DDAH1: variants seen among roughly 807,000 people sequenced by gnomAD.
The protein encoded by DDAH1 is dimethylarginine dimethylaminohydrolase 1, also known as N(G),N(G)-dimethylarginine dimethylaminohydrolase 1.
Under a neutral mutation model 28.8 loss-of-function variants are expected in DDAH1, and 19 were observed. The observed-to-expected ratio is 0.66, with a 90% CI of 0.46 to 0.97. The LOEUF is 0.97. DDAH1 is among the 50% of genes least tolerant of loss of function. The pLI is 0.00. For synonymous variants in DDAH1, 153 were observed against 154.4 expected, an observed-to-expected ratio of 0.99 and a Z score of 0.07; for missense variants, 326 against 375.9, an observed-to-expected ratio of 0.87 and a Z score of 1.10.
At chr1:85,433,107 T>C (rs567168696) in intron 1 of DDAH1, among the ~76,000 whole-genome samples, 26 of 152,284 alleles carry the variant, frequency 1.7e-4, no homozygotes, top group Non-Finnish European at 2.6e-4. Context: ...TACATATACA[T>C]ACATACATAC....
At chr1:85,491,450 T>C (rs906267543) in intron 2 of DDAH1, among the ~76,000 whole-genome samples, 1 of 152,162 alleles carries the variant, frequency 6.6e-6, no homozygotes, top group Non-Finnish European at 1.5e-5. Flanking sequence ...GTAGAACTGC[T>C]GTTAGGATGA....
At chr1:85,394,049 A>T (rs917211767) in intron 1 of DDAH1, among the ~76,000 whole-genome samples, 1 of 152,230 alleles carries the variant, frequency 6.6e-6, no homozygotes, top group Admixed American at 6.5e-5. Context: ...CTTAAAGAAA[A>T]AGTAAGTGAC....
intron 1 of DDAH1, among the ~76,000 whole-genome samples, chr1:85,427,703 CT>C (rs1653475578): frequency 1.3e-5 from 2 of 152,166 alleles, no homozygotes; most frequent in South Asian, 4.1e-4. Context: ...TTTTGTTTCT[CT>C]CTAAGGATGT....
intron 4 of DDAH1, among the ~76,000 whole-genome samples, chr1:85,337,941 T>C (rs1272146101): frequency 6.6e-6 from 1 of 152,206 alleles, no homozygotes; most frequent in African/African-American, 2.4e-5. Context: ...TCCACACCAG[T>C]CACCGAACTT....
chr1:85,374,154 CT>C (rs1201313375), intron 1 of DDAH1, among the ~76,000 whole-genome samples: 1 of 152,184 alleles, frequency 6.6e-6, no homozygotes, highest in African/African-American at 2.4e-5. Flanking sequence ...TTACCAGAGT[CT>C]TTTTTGCTTG....
At chr1:85,358,886 T>G in intron 1 of DDAH1, 39 bp from the exon 2 acceptor site, 1 of 1,469,468 alleles carries the variant, frequency 6.8e-7, no homozygotes, top group Non-Finnish European at 9.4e-7. Flanking sequence ...TATGCTACAA[T>G]TTCCTAACAA....
At chr1:85,577,923 G>A in intron 1 of DDAH1, 8 of 960,910 alleles carry the variant, frequency 8.3e-6, no homozygotes, top group Non-Finnish European at 9.9e-6. Context: ...CCCGTATGGG[G>A]AGGGTGAAGG....
intron 1 of DDAH1, among the ~76,000 whole-genome samples, chr1:85,550,582 C>T (rs902661227): frequency 5.3e-5 from 8 of 152,178 alleles, no homozygotes; most frequent in African/African-American, 1.9e-4. Flanking sequence ...AATGTGTCTC[C>T]TTAGAGGTGA....
At chr1:85,327,783 C>T (rs183631211) in intron 4 of DDAH1, among the ~76,000 whole-genome samples, 1 of 152,130 alleles carries the variant, frequency 6.6e-6, no homozygotes, top group Non-Finnish European at 1.5e-5. Context: ...TTAAAAAAAA[C>T]CCCAAAACAG....
At chr1:85,573,300 C>T (rs1251622391) in intron 1 of DDAH1, among the ~76,000 whole-genome samples, 2 of 152,134 alleles carry the variant, frequency 1.3e-5, no homozygotes, top group Non-Finnish European at 2.9e-5. Flanking sequence ...GGATGTGCTA[C>T]GTGTGATGTT....
chr1:85,412,702 G>A (rs1652710217), intron 1 of DDAH1, among the ~76,000 whole-genome samples: 1 of 152,174 alleles, frequency 6.6e-6, no homozygotes, highest in African/African-American at 2.4e-5. Flanking sequence ...CAAATGGCAT[G>A]TATAAAATAT....
At chr1:85,399,326 T>C (rs1171867060) in intron 1 of DDAH1, 1 of 152,190 alleles carries the variant, frequency 6.6e-6, no homozygotes, top group East Asian at 1.9e-4. Context: ...AAAACTCAAA[T>C]AAATGCATGA....
rs1649206626 is a variant in DDAH1, at chr1:85,351,589, A to G, written c.404-10T>C. ...ACAAAAAATTCTCTGCCTGTAATAGATGTCATGGAACATAGTGAGCAGGTG... is the reference window on the plus strand; with the variant it reads ...ACAAAAAATTCTCTGCCTGTAATAGGTGTCATGGAACATAGTGAGCAGGTG... On this transcript the variant is annotated splice_polypyrimidine_tract_variant and intron_variant, in intron 2 of 5. Coordinates refer to ENST00000284031, the MANE Select transcript of DDAH1 (RefSeq NM_012137.4). 3 of 1,610,534 alleles carry G rather than the reference A, an allele frequency of 1.9e-6. No individual in the cohort carries two copies. Among genetic ancestry groups the G allele is most frequent in the Non-Finnish European group, 2.5e-6 (3 of 1,176,860 alleles).
At chr1:85,407,304 T>C (rs948080394) in intron 1 of DDAH1, among the ~76,000 whole-genome samples, 2 of 152,210 alleles carry the variant, frequency 1.3e-5, no homozygotes, top group African/African-American at 4.8e-5. Context: ...AAAAATCTCT[T>C]AGCAACTGAG....
intron 2 of DDAH1, among the ~76,000 whole-genome samples, chr1:85,483,447 A>G (rs1656079562): frequency 6.6e-6 from 1 of 152,136 alleles, no homozygotes; most frequent in Admixed American, 6.6e-5. Context: ...CGCTCTCCCC[A>G]GTAAAAAATC....
intron 1 of DDAH1, among the ~76,000 whole-genome samples, chr1:85,397,211 C>T (rs531354299): frequency 1.3e-5 from 2 of 152,052 alleles, no homozygotes; most frequent in Non-Finnish European, 2.9e-5. Context: ...TCTTATTGTC[C>T]TCAGTTAATT....
chr1:85,346,785 A>C (rs970432383), intron 4 of DDAH1, among the ~76,000 whole-genome samples: 2 of 152,210 alleles, frequency 1.3e-5, no homozygotes, highest in South Asian at 2.1e-4. Flanking sequence ...TAAATGAAGG[A>C]GCTTCTGCAC....
intron 1 of DDAH1, among the ~76,000 whole-genome samples, chr1:85,462,319 T>G (rs906981631): frequency 6.6e-6 from 1 of 152,104 alleles, no homozygotes; most frequent in African/African-American, 2.4e-5. Flanking sequence ...ACAGCCCAGC[T>G]CAATGGGTTT....
rs375243139 is a variant in DDAH1 at position 85,433,351 on chromosome 1, G to A, written c.303+31392C>T. On this transcript the variant is annotated intron_variant, in intron 1 of 5. Coordinates refer to ENST00000284031, the MANE Select transcript of DDAH1 (RefSeq NM_012137.4). ...AGACAGGGCTTTCTTCTCCACCTTC[G>A]CACATGAAATCTACCTCTCTTCAGT... 8.5e-5 allele frequency among the ~76,000 whole-genome samples: 13 copies of A among 152,172 alleles called. No homozygotes were observed. In the South Asian group the frequency reaches 2.7e-3, roughly 32 times the overall value.
Sources: allele counts gnomAD v4.1 joint callset (sites outside exome capture counted in the v4.1 genomes callset), GRCh38; gene constraint gnomAD v4.1.1; transcripts MANE v1.5; gene names NCBI Gene and HGNC (gene_info 2026-07-23, HGNC 2026-07-21).